The following PTPRN2 variants were observed in gnomAD, a reference collection of about 807,000 sequenced individuals.
The protein encoded by PTPRN2 is receptor-type tyrosine-protein phosphatase N2.
A neutral mutation model predicts 118.8 loss-of-function variants in PTPRN2; 74 were observed. The ratio of observed to expected loss-of-function variants is 0.62; its 90% CI spans 0.52 to 0.76. PTPRN2 has a LOEUF of 0.76. PTPRN2 is among the 30% of genes least tolerant of loss of function. The pLI is 0.00. For synonymous variants in PTPRN2, 641 were observed against 608.0 expected (o/e 1.05, Z -0.80); for missense variants, 1,481 against 1,394.4 (o/e 1.06, Z -0.99).
intron 2 of PTPRN2, among the ~76,000 whole-genome samples, chr7:158,459,328 C>T (rs1180560446): frequency 7.4e-6 from 1 of 134,282 alleles, no homozygotes; most frequent in Non-Finnish European, 1.6e-5. Flanking sequence ...ATCCAGAGCA[C>T]CCGCCTGGGA....
rs756440272 is a variant in PTPRN2 at position 158,525,164 on chromosome 7, C to T, written c.113-35379G>A. On this transcript the variant is annotated intron_variant, in intron 1 of 22. Coordinates refer to ENST00000389418, the MANE Select transcript of PTPRN2 (RefSeq NM_002847.5). This position sits in a 1 kb window ranked among gnomAD's most constrained non-coding sequence, Gnocchi z 4.1. ...CAGTGCTGGACTTCCCAGCTCCAGG[C>T]TCTGGAGCCGGCTGCAGAGCACAGC... 5.9e-5 allele frequency among the ~76,000 whole-genome samples: 9 copies of T among 152,186 alleles called. No homozygotes were observed. Among genetic ancestry groups the T allele is most frequent in the Non-Finnish European group, 1.0e-4 (7 of 68,028 alleles).
chr7:158,395,871 C>A (rs1007417457), intron 2 of PTPRN2, among the ~76,000 whole-genome samples: 4 of 151,954 alleles, frequency 2.6e-5, no homozygotes, highest in Non-Finnish European at 5.9e-5. Flanking sequence ...TCGGGCAGAG[C>A]GCCATGGAGG....
rs116592874 is a variant in PTPRN2, at chr7:157,587,836, C to T, written c.2496+7402G>A. ...CTCCCATACAGGGAGCCAGTTCCCA[C>T]GGTGGCTGTCCCCATGCCTGGGCTC... is the stretch of plus-strand genomic sequence containing the variant. On this transcript the variant is annotated intron_variant, in intron 17 of 22. Coordinates refer to ENST00000389418, the MANE Select transcript of PTPRN2 (RefSeq NM_002847.5). The surrounding 1 kb of genome is among the most constrained non-coding windows in gnomAD (Gnocchi z 5.3). 2.3e-3 allele frequency among the ~76,000 whole-genome samples: 354 copies of T among 152,272 alleles called. 1 individual carries two copies. Among genetic ancestry groups the T allele is most frequent in the African/African-American group, 7.3e-3 (303 of 41,550 alleles).
At chr7:157,704,844 C>A (rs1798247902) in intron 12 of PTPRN2, among the ~76,000 whole-genome samples, 1 of 152,180 alleles carries the variant, frequency 6.6e-6, no homozygotes, top group African/African-American at 2.4e-5. Flanking sequence ...CTTCATAAGC[C>A]CCAGAGTGTG....
chr7:158,441,057 ATGGGGGTGG>A, intron 2 of PTPRN2, among the ~76,000 whole-genome samples: 2 of 45,172 alleles, frequency 4.4e-5, no homozygotes, highest in South Asian at 8.4e-4. Flanking sequence ...GGTGGTAGTG[ATGGGGGTGG>A]TAGTGATGGT....
chr7:157,759,716 T>C (rs1324498953), intron 12 of PTPRN2, among the ~76,000 whole-genome samples: 1 of 152,250 alleles, frequency 6.6e-6, no homozygotes, highest in African/African-American at 2.4e-5. Flanking sequence ...ACTTTGAGGC[T>C]TTAAAAATTA....
chr7:158,225,705 G>A (rs1053387440), intron 3 of PTPRN2, among the ~76,000 whole-genome samples: 14 of 152,236 alleles, frequency 9.2e-5, no homozygotes, highest in East Asian at 7.7e-4. Flanking sequence ...AATTTGTGTT[G>A]GAAAGTTAAG....
chr7:158,584,064 G>A (rs772951502), intron 1 of PTPRN2, among the ~76,000 whole-genome samples: 26 of 152,244 alleles, frequency 1.7e-4, no homozygotes, highest in Middle Eastern at 3.4e-3. Flanking sequence ...TAGGCAAATC[G>A]GAAGGCCAAA....
intron 5 of PTPRN2, among the ~76,000 whole-genome samples, chr7:158,183,669 G>C (rs929751409): frequency 1.3e-5 from 2 of 152,192 alleles, no homozygotes; most frequent in Admixed American, 1.3e-4. Flanking sequence ...TCCAGGACTT[G>C]GTAGGGTTAA....
At chr7:158,127,445 A>G (rs773484973) in intron 9 of PTPRN2, among the ~76,000 whole-genome samples, 1 of 151,858 alleles carries the variant, frequency 6.6e-6, no homozygotes, top group Non-Finnish European at 1.5e-5. Flanking sequence ...AAACCCAAGC[A>G]CAGGGGCGTT....
chr7:158,328,859 TC>T (rs911583097), intron 2 of PTPRN2, among the ~76,000 whole-genome samples: 1 of 139,924 alleles, frequency 7.1e-6, no homozygotes, highest in Non-Finnish European at 1.5e-5. Context: ...GATCCCAGCT[TC>T]CCTGAGCGAC....
rs573217933 is a variant in PTPRN2 at position 158,141,136 on chromosome 7, G to A, written c.911-2621C>T. On this transcript the variant is annotated intron_variant, in intron 6 of 22. Coordinates refer to ENST00000389418, the MANE Select transcript of PTPRN2 (RefSeq NM_002847.5). ...GGTCCCGCCGCAACCTTCTGCCCTA[G>A]AGGGATCCCACTGCGACCCTCTGCC... 4.6e-5 allele frequency among the ~76,000 whole-genome samples: 7 copies of A among 152,292 alleles called. No homozygotes were observed. In the South Asian group the frequency reaches 1.2e-3, roughly 27 times the overall value.
intron 3 of PTPRN2, among the ~76,000 whole-genome samples, chr7:158,264,970 C>T (rs897059167): frequency 3.9e-5 from 6 of 152,088 alleles, no homozygotes; most frequent in Non-Finnish European, 7.4e-5. Context: ...CTAGAGCAGT[C>T]GAGGTCCGCC....
rs755299538 is a variant in PTPRN2 at position 158,326,773 on chromosome 7, TCA to T, written c.164-9843_164-9842del. Reference sequence around the variant, plus strand: ...TCTCACATGCACGTTTCACACATGCTCACACACTCACATGCACACACATGCAC... The same window carrying T: ...TCTCACATGCACGTTTCACACATGCTCACACTCACATGCACACACATGCAC... On this transcript the variant is annotated intron_variant, in intron 2 of 22. Transcript: ENST00000389418. 1.7e-3 allele frequency among the ~76,000 whole-genome samples: 208 copies of T among 119,458 alleles called. 4 individuals carry two copies. Among genetic ancestry groups the T allele is most frequent in the African/African-American group, 5.1e-3 (181 of 35,338 alleles). 78.4% of individuals were successfully genotyped at this position (119,458 alleles called of 152,430 possible).
At chr7:158,126,628 GCGGGCGGCGGAAC>G (rs1563471293) in intron 9 of PTPRN2, among the ~76,000 whole-genome samples, 2 of 114,328 alleles carry the variant, frequency 1.7e-5, no homozygotes, top group South Asian at 3.7e-4. Context: ...CCCCCGGAGA[GCGGGCGGCGGAAC>G]TTCCTCTCCA....
At chr7:157,982,030 GT>G (rs775532204) in intron 11 of PTPRN2, among the ~76,000 whole-genome samples, 16 of 149,380 alleles carry the variant, frequency 1.1e-4, no homozygotes, top group East Asian at 2.0e-4. Flanking sequence ...AGAGTGTGGG[GT>G]TCCCCCCCAA....
intron 11 of PTPRN2, among the ~76,000 whole-genome samples, chr7:157,905,609 C>A (rs895193043): frequency 6.6e-6 from 1 of 152,202 alleles, no homozygotes; most frequent in African/African-American, 2.4e-5. Context: ...CAGACTAATT[C>A]TTTGCACTTG....
intron 2 of PTPRN2, among the ~76,000 whole-genome samples, chr7:158,454,418 C>A (rs899549804): frequency 6.8e-6 from 1 of 147,964 alleles, no homozygotes; most frequent in Non-Finnish European, 1.5e-5. Context: ...GGAGGACAGA[C>A]AAGACACAAC....
At chr7:158,132,959 AAACAC>A (rs1452855193) in intron 9 of PTPRN2, among the ~76,000 whole-genome samples, 1 of 152,246 alleles carries the variant, frequency 6.6e-6, no homozygotes, top group African/African-American at 2.4e-5. Flanking sequence ...CACTTGAAGA[AAACAC>A]AACACTTGTA....
Sources: gnomAD v4.1 joint callset for allele counts (sites outside exome capture counted in the v4.1 genomes callset) on GRCh38, gnomAD v4.1.1 for gene constraint, Gnocchi (gnomAD v3.1) non-coding constraint, MANE v1.5 for transcripts, NCBI Gene and HGNC (gene_info 2026-07-23, HGNC 2026-07-21) for gene names.